NEK6: variants seen among roughly 807,000 people sequenced by gnomAD.
NEK6 encodes the protein NIMA related kinase 6.
A neutral mutation model predicts 43.5 loss-of-function variants in NEK6; 27 were observed. The observed-to-expected ratio is 0.62, with a 90% CI of 0.46 to 0.86. The LOEUF is 0.86. Ranked by LOEUF, NEK6 falls within the 40% of genes least tolerant of loss-of-function variation. The pLI is 0.00. For synonymous variants in NEK6, 167 were observed against 164.1 expected (o/e 1.02, Z -0.14); for missense variants, 318 against 414.4 (o/e 0.77, Z 2.02).
chr9:124,343,300 C>T lies in NEK6; in HGVS notation c.717+3635C>T, dbSNP rs990763120. Among the ~76,000 whole-genome samples the T allele has an allele frequency of 1.2e-4, 14 of 119,506 alleles. No individual in the cohort carries two copies. Among genetic ancestry groups the T allele is most frequent in the Non-Finnish European group, 1.7e-4 (10 of 59,294 alleles). The allele number at this position is 119,506 out of a possible 152,430, so 78.4% of individuals were successfully genotyped here. ...GGATCGCAGCTGGGGAGGTACCGAT[C>T]GCAGCGAGGGGTGGTGTGGGGGGAC... On this transcript the variant is annotated intron_variant, in intron 8 of 9. Coordinates refer to ENST00000320246, the MANE Select transcript of NEK6 (RefSeq NM_014397.6). The surrounding 1 kb of genome is among the most constrained non-coding windows in gnomAD (Gnocchi z 5.1).
At chr9:124,310,943 T>C (rs747356561) in intron 2 of NEK6, among the ~76,000 whole-genome samples, 8 of 152,220 alleles carry the variant, frequency 5.3e-5, no homozygotes, top group African/African-American at 1.2e-4. Context: ...TTTCTATTAT[T>C]CATTAAGTCA....
At chr9:124,302,236 G>C (rs534034002) in intron 2 of NEK6, among the ~76,000 whole-genome samples, 182 bp downstream of exon 2, 7 of 152,304 alleles carry the variant, frequency 4.6e-5, no homozygotes, top group Admixed American at 3.9e-4. Flanking sequence ...GTTGAATTCA[G>C]TAATACTCAG....
intron 1 of NEK6, chr9:124,292,177 C>T: frequency 8.0e-7 from 1 of 1,248,760 alleles, no homozygotes; most frequent in Middle Eastern, 3.2e-4. Flanking sequence ...GCCCCAGGGA[C>T]CTCCAGGGCT....
chr9:124,305,066 G>T (rs1200965735), intron 2 of NEK6, among the ~76,000 whole-genome samples: 1 of 152,212 alleles, frequency 6.6e-6, no homozygotes, highest in Non-Finnish European at 1.5e-5. Flanking sequence ...CTTCCATCTG[G>T]AAAGTCTTTG....
In NEK6 at chr9:124,326,548, C is replaced by A; in HGVS notation, c.514+110C>A. 1 of 769,310 alleles carries A rather than the reference C, an allele frequency of 1.3e-6. No homozygotes were observed. Among genetic ancestry groups the A allele is most frequent in the Non-Finnish European group, 2.2e-6 (1 of 452,334 alleles). 47.7% of individuals were successfully genotyped at this position (769,310 alleles called of 1,614,324 possible). ...GCAGCCCCTTGAGGAAGTTGGACCG[C>A]TCTGTATTCCCCAGGCAAGGGGGCT... is the stretch of plus-strand genomic sequence containing the variant. On this transcript the variant is annotated intron_variant, in intron 6 of 9. Coordinates refer to ENST00000320246, the MANE Select transcript of NEK6 (RefSeq NM_014397.6). The surrounding 1 kb of genome is among the most constrained non-coding windows in gnomAD (Gnocchi z 4.5).
At chr9:124,315,127 C>T (rs1317779094) in intron 4 of NEK6, among the ~76,000 whole-genome samples, 1 of 152,238 alleles carries the variant, frequency 6.6e-6, no homozygotes, top group Non-Finnish European at 1.5e-5. Context: ...GACTTCCAGG[C>T]TGGTGGGGAA....
chr9:124,310,485 T>G (rs1288645290), intron 2 of NEK6, among the ~76,000 whole-genome samples: 1 of 152,200 alleles, frequency 6.6e-6, no homozygotes, highest in Non-Finnish European at 1.5e-5. Flanking sequence ...GCCTCGAGGC[T>G]TCAAAGTCAA....
chr9:124,319,429 A>C (rs7022769), intron 4 of NEK6, among the ~76,000 whole-genome samples: 4 of 151,672 alleles, frequency 2.6e-5, no homozygotes. Flanking sequence ...TGATCATTTC[A>C]TTTGCCATGC....
intron 1 of NEK6, among the ~76,000 whole-genome samples, chr9:124,258,593 A>T (rs945671054): frequency 2.0e-5 from 3 of 152,078 alleles, no homozygotes; most frequent in African/African-American, 7.2e-5. Context: ...GGGCCGTGCG[A>T]GCGTGTTTAT....
rs977226136 is a variant in NEK6, at chr9:124,343,147, C to T, written c.717+3482C>T. ...CCTTCGTGACTCCCTGGCATTGAGG[C>T]TCGGGTTACGCCGAGCTGACTCATT... On this transcript the variant is annotated intron_variant, in intron 8 of 9. Coordinates refer to ENST00000320246, the MANE Select transcript of NEK6 (RefSeq NM_014397.6). This position sits in a 1 kb window ranked among gnomAD's most constrained non-coding sequence, Gnocchi z 5.1. 6.6e-6 allele frequency among the ~76,000 whole-genome samples: 1 copy of T among 151,988 alleles called. No homozygotes were observed. The highest frequency in any genetic ancestry group is 1.5e-5 in the Non-Finnish European group (1 of 67,984).
chr9:124,341,608 G>A (rs1339067577), intron 8 of NEK6, among the ~76,000 whole-genome samples: 1 of 152,204 alleles, frequency 6.6e-6, no homozygotes, highest in African/African-American at 2.4e-5. Flanking sequence ...GCCATGGCGA[G>A]TGTGTAGTGG....
chr9:124,261,617 T>C, intron 1 of NEK6: 1 of 982,048 alleles, frequency 1.0e-6, no homozygotes, highest in Non-Finnish European at 1.2e-6. Flanking sequence ...TTAAGTCCCC[T>C]GCCTGCCTTT....
chr9:124,261,688 G>C (rs1831036295), intron 1 of NEK6: 1 of 697,580 alleles, frequency 1.4e-6, no homozygotes, highest in African/African-American at 1.9e-5. Flanking sequence ...AATGAATGTT[G>C]TGTGTGAGGA....
intron 1 of NEK6, chr9:124,286,560 C>G (rs1268825042): frequency 1.3e-5 from 2 of 152,284 alleles, no homozygotes. Context: ...ACCAGAGATG[C>G]TGCGTGCTTC....
chr9:124,283,191 G>A (rs1832000021), intron 1 of NEK6, among the ~76,000 whole-genome samples: 1 of 152,250 alleles, frequency 6.6e-6, no homozygotes, highest in Non-Finnish European at 1.5e-5. Flanking sequence ...AGGAAGGCTG[G>A]GGATGACAAG....
chr9:124,333,682 T>C (rs1034664371), intron 7 of NEK6, among the ~76,000 whole-genome samples: 3 of 152,016 alleles, frequency 2.0e-5, no homozygotes, highest in Non-Finnish European at 4.4e-5. Flanking sequence ...CCCCTGGAGA[T>C]TGTGGCCCCC....
chr9:124,310,102 G>A (rs924149328), intron 2 of NEK6, among the ~76,000 whole-genome samples: 1 of 152,208 alleles, frequency 6.6e-6, no homozygotes, highest in Non-Finnish European at 1.5e-5. Flanking sequence ...GAGCCCACCC[G>A]ATACGGAGCA....
chr9:124,287,303 G>A (rs1832209556), intron 1 of NEK6, among the ~76,000 whole-genome samples: 1 of 152,202 alleles, frequency 6.6e-6, no homozygotes, highest in African/African-American at 2.4e-5. Context: ...GTTGGGCCTG[G>A]GAATTCAGAG....
intron 7 of NEK6, among the ~76,000 whole-genome samples, chr9:124,335,110 A>C (rs1829220750): frequency 6.6e-6 from 1 of 152,090 alleles, no homozygotes; most frequent in South Asian, 2.1e-4. Flanking sequence ...ATCATTGTCC[A>C]ACCTGTAGGC....
Sources: gnomAD v4.1 joint callset for allele counts (sites outside exome capture counted in the v4.1 genomes callset) on GRCh38, gnomAD v4.1.1 for gene constraint, Gnocchi (gnomAD v3.1) non-coding constraint, MANE v1.5 for transcripts, NCBI Gene and HGNC (gene_info 2026-07-23, HGNC 2026-07-21) for gene names.